Variants in MYBPC1 observed in about 807,000 individuals in gnomAD.
The protein encoded by MYBPC1 is myosin binding protein C1, also known as myosin-binding protein C, slow-type.
A neutral mutation model predicts 147.1 loss-of-function variants in MYBPC1; 52 were observed. That is an observed-to-expected ratio of 0.35 (90% CI 0.28 to 0.45). MYBPC1 has a LOEUF of 0.45. MYBPC1 is among the 20% of genes least tolerant of loss of function. MYBPC1 has a pLI of 1.00. For missense variants in MYBPC1, 1,228 were observed against 1,440.3 expected, an observed-to-expected ratio of 0.85 and a Z score of 2.39; for synonymous variants, 477 against 475.9, an observed-to-expected ratio of 1.00 and a Z score of -0.03.
chr12:101,642,444 C>T lies in MYBPC1; in HGVS notation c.691C>T (p.Pro231Ser), dbSNP rs1892244708. Reference sequence around the variant, plus strand: ...GGAGGTGAAGCAGCAGGAGGAAGAACCCCAGGTGGACGTATGGGAGTTGCT... The same window carrying T: ...GGAGGTGAAGCAGCAGGAGGAAGAATCCCAGGTGGACGTATGGGAGTTGCT... ...RREVKQQEEE[P>S]QVDVWELLKN... Residue 231 changes from proline (P) to serine (S), a missense_variant, in exon 11 of 32, where the codon CCC (proline) becomes TCC (serine). Coordinates refer to ENST00000361466, the MANE Select transcript of MYBPC1 (RefSeq NM_002465.4). 1 of 1,613,962 alleles carries T rather than the reference C, an allele frequency of 6.2e-7. No homozygotes were observed. The highest frequency in any genetic ancestry group is 1.3e-5 in the African/African-American group (1 of 74,930).
chr12:101,667,577 C>T (rs888065538), intron 22 of MYBPC1, among the ~76,000 whole-genome samples, 155 bp from the exon 23 acceptor site: 8 of 152,152 alleles, frequency 5.3e-5, no homozygotes, highest in Non-Finnish European at 1.0e-4. Context: ...AAAATGTCCA[C>T]CCATGTAGTC....
At chr12:101,614,671 A>G (rs766979144) in intron 2 of MYBPC1, 140 bp downstream of exon 2, 1 of 817,618 alleles carries the variant, frequency 1.2e-6, no homozygotes, top group South Asian at 1.5e-5. Context: ...GACCATTGTG[A>G]TAAGTTGAGA....
At chr12:101,684,521 T>C in intron 31 of MYBPC1, 97 bp downstream of exon 31, 1 of 927,998 alleles carries the variant, frequency 1.1e-6, no homozygotes, top group South Asian at 1.4e-5. Flanking sequence ...CATAATCCAA[T>C]GAAAATAGAC....
intron 9 of MYBPC1, among the ~76,000 whole-genome samples, chr12:101,636,088 C>G (rs987755152): frequency 4.6e-5 from 7 of 152,064 alleles, no homozygotes; most frequent in African/African-American, 1.7e-4. Context: ...AATTATCACC[C>G]TTTAAGACAG....
At chr12:101,656,878 C>T (rs1895637888) in intron 18 of MYBPC1, among the ~76,000 whole-genome samples, 1 of 152,096 alleles carries the variant, frequency 6.6e-6, no homozygotes, top group Admixed American at 6.5e-5. Context: ...ATTACTTCAT[C>T]CAATAGCAGC....
At chr12:101,673,713 A>T in intron 25 of MYBPC1, 91 bp downstream of exon 25, 1 of 1,381,194 alleles carries the variant, frequency 7.2e-7, no homozygotes. Flanking sequence ...GAGTTTTGTT[A>T]GGCTGGCTCT....
chr12:101,607,833 G>A lies in MYBPC1; in HGVS notation c.26-6663G>A, dbSNP rs144071593. Reference sequence around the variant, plus strand: ...GTGTATAGACGCAGACATATAAAAAGAGACAGGTTAATTAATTTTAAGACG... The same window carrying A: ...GTGTATAGACGCAGACATATAAAAAAAGACAGGTTAATTAATTTTAAGACG... On this transcript the variant is annotated intron_variant, in intron 1 of 31. Transcript: ENST00000361466. 7.8e-3 allele frequency among the ~76,000 whole-genome samples: 1,189 copies of A among 152,308 alleles called. 9 individuals carry two copies. Among genetic ancestry groups the A allele is most frequent in the Middle Eastern group, 0.02 (6 of 294 alleles).
At chr12:101,620,315 A>G (rs1309054169) in intron 3 of MYBPC1, among the ~76,000 whole-genome samples, 1 of 152,204 alleles carries the variant, frequency 6.6e-6, no homozygotes, top group African/African-American at 2.4e-5. Flanking sequence ...AAATTGATGG[A>G]ACACTAAATA....
intron 3 of MYBPC1, among the ~76,000 whole-genome samples, chr12:101,618,719 T>A (rs1289737417): frequency 6.6e-6 from 1 of 152,136 alleles, no homozygotes; most frequent in East Asian, 1.9e-4. Flanking sequence ...CTTTTATTTA[T>A]GGAGAACACA....
intron 10 of MYBPC1, among the ~76,000 whole-genome samples, chr12:101,639,852 A>G (rs1891686936): frequency 6.6e-6 from 1 of 151,846 alleles, no homozygotes; most frequent in Non-Finnish European, 1.5e-5. Flanking sequence ...TATGTGTGCA[A>G]TTCTTCATGG....
rs369254785 is a variant in MYBPC1, at chr12:101,673,527, T to C, written c.2714T>C (p.Ile905Thr). ...RNSETDTIIF[I>T]RKAERSHSGK... Reference sequence around the variant, plus strand: ...TCTGAGACTGATACAATCATATTTATTAGAAAAGCAGAGAGGAGCCACTCT... The same window carrying C: ...TCTGAGACTGATACAATCATATTTACTAGAAAAGCAGAGAGGAGCCACTCT... Residue 905 changes from isoleucine to threonine, a missense_variant, in exon 25 of 32, where the codon ATT becomes ACT. Transcript: ENST00000361466. 6.2e-6 allele frequency: 10 copies of C among 1,614,126 alleles called. No individual in the cohort carries two copies. Among genetic ancestry groups the C allele is most frequent in the African/African-American group, 2.7e-5 (2 of 75,036 alleles).
the MYBPC1 span, among the ~76,000 whole-genome samples, chr12:101,694,365 C>T: frequency 6.6e-6 from 1 of 152,136 alleles, no homozygotes; most frequent in Non-Finnish European, 1.5e-5. Flanking sequence ...TGTATTTTGC[C>T]TATGGCCTGC....
chr12:101,669,844 T>C, intron 23 of MYBPC1: 1 of 250,232 alleles, frequency 4.0e-6, no homozygotes, highest in Non-Finnish European at 7.5e-6. Flanking sequence ...GGCTGAGACA[T>C]GAGAATCGCT....
chr12:101,607,412 A>G (rs912514691), intron 1 of MYBPC1, among the ~76,000 whole-genome samples: 1 of 152,228 alleles, frequency 6.6e-6, no homozygotes, highest in Non-Finnish European at 1.5e-5. Flanking sequence ...TTTACTAAAC[A>G]CAAAGCCTTC....
In MYBPC1 at chr12:101,673,633, A is replaced by T. The variant is rs376320836; in HGVS notation, c.2809+11A>T. The T allele has an allele frequency of 7.3e-5, 118 of 1,614,018 alleles. No individual in the cohort carries two copies. The highest frequency in any genetic ancestry group is 9.1e-5 in the Non-Finnish European group (107 of 1,180,002). On this transcript the variant is annotated intron_variant, in intron 25 of 31. Transcript: ENST00000361466. The stretch of plus-strand genomic sequence containing the variant: ...ACATCCAGATCATTGGTAGGTTTAG[A>T]TGAAGGAGCCAGAAAGTTCTGTCAA...
chr12:101,613,756 G>A (rs1306552844), intron 1 of MYBPC1, among the ~76,000 whole-genome samples: 1 of 152,156 alleles, frequency 6.6e-6, no homozygotes, highest in East Asian at 1.9e-4. Context: ...CAAAACCAGA[G>A]CCTGGAAAAT....
chr12:101,638,207 A>G (rs1404428544), intron 10 of MYBPC1, among the ~76,000 whole-genome samples: 1 of 152,218 alleles, frequency 6.6e-6, no homozygotes, highest in Non-Finnish European at 1.5e-5. Flanking sequence ...AGAGCTTTGT[A>G]TTCTCCCTGC....
At chr12:101,683,478 A>T (rs78967463) in intron 30 of MYBPC1, among the ~76,000 whole-genome samples, 8,563 of 152,274 alleles carry the variant, frequency 0.056, 510 homozygotes, top group African/African-American at 0.15. Context: ...AAATATTCCC[A>T]TTACAAATTC....
chr12:101,657,648 A>G (rs2136376168), intron 18 of MYBPC1, among the ~76,000 whole-genome samples: 1 of 152,330 alleles, frequency 6.6e-6, no homozygotes, highest in South Asian at 2.1e-4. Context: ...CACAAGAAGA[A>G]ATAGGCAATC....
Sources: allele counts gnomAD v4.1 joint callset (sites outside exome capture counted in the v4.1 genomes callset), GRCh38; gene constraint gnomAD v4.1.1; transcripts MANE v1.5; gene names NCBI Gene and HGNC (gene_info 2026-07-23, HGNC 2026-07-21).